The following DNAH7 variants were observed in gnomAD, a reference collection of about 807,000 sequenced individuals.
The protein encoded by DNAH7 is dynein axonemal heavy chain 7.
Under a neutral mutation model 444.6 loss-of-function variants are expected in DNAH7, and 397 were observed. The observed-to-expected ratio is 0.89, with a 90% CI of 0.82 to 0.97. The LOEUF (loss-of-function observed/expected upper bound fraction) is 0.97. DNAH7 is among the 50% of genes least tolerant of loss of function. The probability of loss-of-function intolerance (pLI) is 0.00; values close to 1 mark genes in which losing one functional copy is unlikely to be tolerated. For synonymous variants in DNAH7, 1,636 were observed against 1,624.4 expected (o/e 1.01, Z -0.17); for missense variants, 4,902 against 4,800.8 (o/e 1.02, Z -0.62).
At chr2:196,045,222 G>T (rs549549832) in intron 5 of DNAH7, among the ~76,000 whole-genome samples, 6 of 148,448 alleles carry the variant, frequency 4.0e-5, no homozygotes, top group African/African-American at 1.5e-4. Flanking sequence ...AGGAGGAGAA[G>T]GAGAAGAAGA....
rs370023336 is a variant in DNAH7, at chr2:195,754,444, G to C, written c.11657C>G (p.Thr3886Ser). The change falls in exon 63 of 65, where the codon ACC (threonine) becomes AGC (serine). Residue 3886 changes from threonine (T) to serine (S), a missense_variant. By Grantham distance (58) the Thr-to-Ser change is moderately conservative. Transcript: ENST00000312428. ...SGFFFTQAFLTGAQQNYARKY... is the reference protein window; with the variant it reads ...SGFFFTQAFLSGAQQNYARKY... ...CCTGGCGTAGTTCTGCTGGGCACCG[G>C]TCAGGAAGGCTTGTGTGAAGAAGAA... 7 of 1,614,002 alleles carry C rather than the reference G, an allele frequency of 4.3e-6. No individual in the cohort carries two copies. The African/African-American group carries it at 8.0e-5, about 18-fold the overall frequency.
rs776724398 is a variant in DNAH7 at position 195,894,987 on chromosome 2, T to C, written c.4885A>G (p.Ile1629Val). 1.2e-6 allele frequency: 2 copies of C among 1,604,068 alleles called. No individual in the cohort carries two copies. The highest frequency in any genetic ancestry group is 1.7e-5 in the Admixed American group (1 of 59,714). Reference sequence around the variant, plus strand: ...AATAATATACTTGCCTTTTCACATATATCATTTAGTGCTCCAGCTAAGACA... The same window carrying C: ...AATAATATACTTGCCTTTTCACATACATCATTTAGTGCTCCAGCTAAGACA... ...YRVLAGALNDICEKGLMEENK... is the reference protein window; with the variant it reads ...YRVLAGALNDVCEKGLMEENK... The change falls in exon 30 of 65, where the codon ATA (isoleucine) becomes GTA (valine). Residue 1629 changes from isoleucine to valine, a missense_variant. By Grantham distance (29) the Ile-to-Val change is conservative. Coordinates refer to ENST00000312428, the MANE Select transcript of DNAH7 (RefSeq NM_018897.3).
chr2:195,742,870 T>C (rs1413100904), intron 63 of DNAH7, among the ~76,000 whole-genome samples: 4 of 152,220 alleles, frequency 2.6e-5, no homozygotes, highest in African/African-American at 4.8e-5. Flanking sequence ...ACGATTAATA[T>C]TGTCAACTTG....
At position 195,772,109 on chromosome 2, in the gene DNAH7, T is replaced by C. The variant is rs562873860; in HGVS notation, c.11203-219A>G. On this transcript the variant is annotated intron_variant, in intron 60 of 64. Transcript: ENST00000312428. ...AGAGAGGAGGAATAAGGGCATGTAA[T>C]GTGTTCAGAGGCAAAAGAGGATCTG... Among the ~76,000 whole-genome samples, 24 of 152,318 alleles carry C rather than the reference T, an allele frequency of 1.6e-4. No homozygotes were observed. In the East Asian group the frequency reaches 4.4e-3, roughly 28 times the overall value.
intron 57 of DNAH7, among the ~76,000 whole-genome samples, chr2:195,792,621 G>C (rs1197777975): frequency 6.6e-6 from 1 of 152,078 alleles, no homozygotes; most frequent in Non-Finnish European, 1.5e-5. Flanking sequence ...TGACAAAATT[G>C]AAACACAAAT....
Position 195,875,714 on chromosome 2 carries a change from G to A in DNAH7, c.6247C>T (p.Leu2083=), listed in dbSNP as rs780721729. 2 of 1,609,580 alleles carry A rather than the reference G, an allele frequency of 1.2e-6. No homozygotes were observed. Among genetic ancestry groups the A allele is most frequent in the Non-Finnish European group, 1.7e-6 (2 of 1,178,542 alleles). Residue 2083 remains leucine (L), a synonymous_variant, in exon 38 of 65, where the codon CTA becomes TTA. Coordinates refer to ENST00000312428, the MANE Select transcript of DNAH7 (RefSeq NM_018897.3). The part of the protein sequence containing the change: ...YDLKDCSMIK[L]VDIQIMCAMG... ...GCACACATGATCTGAATGTCCACTA[G>A]TTTAATCATGGAACAATCTTTTAGA...
At chr2:195,969,109 T>C (rs1203765490) in intron 17 of DNAH7, among the ~76,000 whole-genome samples, 3 of 152,262 alleles carry the variant, frequency 2.0e-5, no homozygotes, top group Admixed American at 1.3e-4. Flanking sequence ...CACCTGATTT[T>C]TGGTTCTTAT....
In DNAH7 at chr2:195,844,091, G is replaced by A. The variant is rs1040986218; in HGVS notation, c.8945+911C>T. ...AGCCTGGGCAACGGAGTGAGACTCCGTCTCAAAAAAAAACAAAAAACCCAA... is the reference window on the plus strand; with the variant it reads ...AGCCTGGGCAACGGAGTGAGACTCCATCTCAAAAAAAAACAAAAAACCCAA... On this transcript the variant is annotated intron_variant, in intron 47 of 64. Transcript: ENST00000312428. Among the ~76,000 whole-genome samples, 7 of 127,094 alleles carry A rather than the reference G, an allele frequency of 5.5e-5. No individual in the cohort carries two copies. In the East Asian group the frequency reaches 7.2e-4, roughly 13 times the overall value. 83.4% of individuals were successfully genotyped at this position (127,094 alleles called of 152,430 possible).
intron 57 of DNAH7, among the ~76,000 whole-genome samples, chr2:195,789,168 A>T (rs1008864274): frequency 6.0e-5 from 9 of 149,528 alleles, no homozygotes; most frequent in Non-Finnish European, 1.2e-4. Context: ...AGATAATAGA[A>T]TTTTTTTTTT....
intron 9 of DNAH7, among the ~76,000 whole-genome samples, chr2:196,018,610 A>T (rs1695167863): frequency 6.6e-6 from 1 of 152,182 alleles, no homozygotes; most frequent in Admixed American, 6.5e-5. Flanking sequence ...CGAAATAATT[A>T]AAACAAATAA....
chr2:196,067,462 TTTTTG>T (rs1271964178), intron 1 of DNAH7, among the ~76,000 whole-genome samples: 3 of 59,730 alleles, frequency 5.0e-5, no homozygotes, highest in Admixed American at 3.5e-4. Flanking sequence ...GTATCTGAAC[TTTTTG>T]TTTTTTGCTT....
At chr2:195,830,796 TAA>T (rs1698030533) in intron 48 of DNAH7, among the ~76,000 whole-genome samples, 1 of 152,222 alleles carries the variant, frequency 6.6e-6, no homozygotes, top group African/African-American at 2.4e-5. Context: ...TCCCATCTTC[TAA>T]ATCCTCATTT....
At chr2:195,850,780 A>G (rs141291633) in intron 46 of DNAH7, among the ~76,000 whole-genome samples, 1 of 152,238 alleles carries the variant, frequency 6.6e-6, no homozygotes, top group Non-Finnish European at 1.5e-5. Flanking sequence ...GGACATGCTG[A>G]GGAAAGGATG....
chr2:195,913,693 C>T (rs558349475), intron 24 of DNAH7, among the ~76,000 whole-genome samples: 39 of 150,008 alleles, frequency 2.6e-4, no homozygotes, highest in African/African-American at 8.7e-4. Flanking sequence ...GATCTCCATC[C>T]ACATGTTTTT....
At chr2:195,911,457 C>CA (rs1687354554) in intron 24 of DNAH7, among the ~76,000 whole-genome samples, 1 of 151,620 alleles carries the variant, frequency 6.6e-6, no homozygotes. Flanking sequence ...GGGGAAGAAG[C>CA]AAAATTTAAA....
In DNAH7 at chr2:195,737,944, G is replaced by C; in HGVS notation, c.12052C>G (p.Leu4018Val). ...KEHWIGRGVA[L>V]LCQLNS ...GGTTATGAATTAAGTTGACATAACA[G>C]TGCTACACCTCGTCCAATCCAGTGT... The change falls in exon 65 of 65, where the codon CTG becomes GTG. Residue 4018 changes from leucine (L) to valine (V), a missense_variant. Physicochemically the swap from Leu to Val is conservative, Grantham distance 32. Transcript: ENST00000312428. The C allele has an allele frequency of 6.2e-7, 1 of 1,614,068 alleles. No individual in the cohort carries two copies.
intron 40 of DNAH7, among the ~76,000 whole-genome samples, chr2:195,869,221 G>A (rs1700533213): frequency 6.6e-6 from 1 of 151,552 alleles, no homozygotes; most frequent in Admixed American, 6.6e-5. Flanking sequence ...GAAGAAGAGG[G>A]GCCAGGCTCC....
chr2:195,950,333 G>T (rs1322319007), intron 19 of DNAH7, among the ~76,000 whole-genome samples: 1 of 152,066 alleles, frequency 6.6e-6, no homozygotes, highest in Admixed American at 6.5e-5. Flanking sequence ...GTTTAGTTTT[G>T]GGAGGGTGTA....
chr2:195,896,857 C>T (rs1277898508), intron 29 of DNAH7, among the ~76,000 whole-genome samples: 2 of 152,126 alleles, frequency 1.3e-5, no homozygotes, highest in African/African-American at 2.4e-5. Flanking sequence ...ACATGGCTGC[C>T]ATCGGTAGCT....
Sources: allele counts gnomAD v4.1 joint callset (sites outside exome capture counted in the v4.1 genomes callset), GRCh38; gene constraint gnomAD v4.1.1; transcripts MANE v1.5; gene names NCBI Gene and HGNC (gene_info 2026-07-23, HGNC 2026-07-21).